CTDSPL2: variants seen among roughly 807,000 people sequenced by gnomAD.
CTDSPL2 encodes CTD small phosphatase like 2, also known as CTD small phosphatase-like protein 2.
In CTDSPL2, 5 loss-of-function variants were observed where a neutral mutation model predicts 60.0. The ratio of observed to expected loss-of-function variants is 0.08; its 90% CI spans 0.04 to 0.18. The LOEUF (loss-of-function observed/expected upper bound fraction) is 0.18. Ranked by LOEUF, CTDSPL2 falls within the 10% of genes least tolerant of loss-of-function variation. The pLI, the probability that CTDSPL2 is intolerant of heterozygous loss-of-function variation, is 1.00. For synonymous variants in CTDSPL2, 186 were observed against 189.3 expected (o/e 0.98, Z 0.14); for missense variants, 370 against 548.8 (o/e 0.67, Z 3.26).
intron 2 of CTDSPL2, among the ~76,000 whole-genome samples, chr15:44,476,605 T>A (rs2080921761): frequency 6.6e-6 from 1 of 152,106 alleles, no homozygotes; most frequent in African/African-American, 2.4e-5. Context: ...CTGTACTTTT[T>A]TCTGTGTTTA....
chr15:44,470,448 C>T (rs1351826618), intron 2 of CTDSPL2: 1 of 145,028 alleles, frequency 6.9e-6, no homozygotes, highest in East Asian at 2.0e-4. Context: ...TTTACATTGG[C>T]TTTTTTTTTT....
intron 1 of CTDSPL2, chr15:44,448,850 C>T: frequency 2.6e-6 from 1 of 390,974 alleles, no homozygotes; most frequent in South Asian, 2.0e-5. Context: ...TCCGTCTTTA[C>T]CTGCGTTGGT....
At chr15:44,437,060 G>A (rs1290296762) in intron 1 of CTDSPL2, among the ~76,000 whole-genome samples, 4 of 152,156 alleles carry the variant, frequency 2.6e-5, no homozygotes. Context: ...ATAGTTTTGT[G>A]CATGAAACAG....
intron 12 of CTDSPL2, among the ~76,000 whole-genome samples, chr15:44,522,299 G>A (rs955657379): frequency 7.2e-5 from 11 of 152,074 alleles, no homozygotes; most frequent in African/African-American, 2.7e-4. Flanking sequence ...CTCCCATAAT[G>A]CTGGGATTAC....
Position 44,524,351 on chromosome 15 carries a change from TC to T in CTDSPL2, c.*178del. The T allele has an allele frequency of 1.7e-6, 1 of 601,952 alleles. No individual in the cohort carries two copies. Among genetic ancestry groups the T allele is most frequent in the East Asian group, 2.8e-5 (1 of 35,592 alleles). 37.3% of individuals were successfully genotyped at this position (601,952 alleles called of 1,614,324 possible). On this transcript the variant is annotated 3_prime_UTR_variant, in exon 13 of 13. Coordinates refer to ENST00000260327, the MANE Select transcript of CTDSPL2 (RefSeq NM_016396.3). ...AGAAAGAGACTTTATCTATCTCAGA[TC>T]GAATACATATAGTAGGTAGGCTAAA...
chr15:44,483,916 G>C (rs1208483067), intron 2 of CTDSPL2, among the ~76,000 whole-genome samples: 2 of 152,186 alleles, frequency 1.3e-5, no homozygotes, highest in Non-Finnish European at 2.9e-5. Flanking sequence ...ATGAGGGAAA[G>C]CTTTTGAAGA....
chr15:44,438,140 T>G (rs1371390304), intron 1 of CTDSPL2, among the ~76,000 whole-genome samples: 3 of 152,020 alleles, frequency 2.0e-5, no homozygotes, highest in African/African-American at 4.8e-5. Flanking sequence ...GGTGGGCGCC[T>G]GTAGTCCCAG....
chr15:44,468,423 C>G lies in CTDSPL2; in HGVS notation c.186+9223C>G, dbSNP rs375665130. On this transcript the variant is annotated intron_variant, in intron 2 of 12. Transcript: ENST00000260327. ...TTTATTGATCTTTATTTTGATGAGT[C>G]TTGCTTGGGTTTATCAATTTCATTA... 9.9e-5 allele frequency among the ~76,000 whole-genome samples: 15 copies of G among 152,048 alleles called. No homozygotes were observed. In the East Asian group the frequency reaches 2.1e-3, roughly 22 times the overall value.
At chr15:44,461,861 G>A (rs1440348267) in intron 2 of CTDSPL2, among the ~76,000 whole-genome samples, 1 of 152,146 alleles carries the variant, frequency 6.6e-6, no homozygotes, top group Non-Finnish European at 1.5e-5. Context: ...GGAGGGGTTG[G>A]TCTTTCTGTC....
intron 1 of CTDSPL2, chr15:44,448,279 C>A: frequency 7.0e-6 from 2 of 285,332 alleles, no homozygotes; most frequent in South Asian, 3.4e-5. Context: ...GTGCTGGATG[C>A]TAGAGGCCAT....
intron 8 of CTDSPL2, among the ~76,000 whole-genome samples, chr15:44,513,578 A>C (rs1595777398): frequency 6.6e-6 from 1 of 152,202 alleles, no homozygotes; most frequent in South Asian, 2.1e-4. Context: ...TTTTGTGTGC[A>C]TGTATATGGA....
intron 2 of CTDSPL2, among the ~76,000 whole-genome samples, chr15:44,460,354 C>T (rs1354576335): frequency 6.6e-5 from 10 of 152,076 alleles, no homozygotes; most frequent in East Asian, 5.8e-4. Flanking sequence ...GTGATTCGTC[C>T]GCCTCGGCCT....
At chr15:44,452,029 T>G (rs181016152) in intron 1 of CTDSPL2, among the ~76,000 whole-genome samples, 2 of 152,264 alleles carry the variant, frequency 1.3e-5, no homozygotes, top group South Asian at 2.1e-4. Flanking sequence ...AGACTGAAAT[T>G]TATGTGGTTA....
chr15:44,472,861 C>T (rs916080496), intron 2 of CTDSPL2, among the ~76,000 whole-genome samples: 18 of 152,354 alleles, frequency 1.2e-4, no homozygotes, highest in African/African-American at 4.3e-4. Flanking sequence ...GACAGGGTTT[C>T]ACCGGCCCAG....
chr15:44,442,154 A>G (rs939537026), intron 1 of CTDSPL2, among the ~76,000 whole-genome samples: 5 of 152,066 alleles, frequency 3.3e-5, no homozygotes, highest in Non-Finnish European at 7.4e-5. Context: ...CCTAGGGGGA[A>G]AAAACATATA....
rs530563740 is a variant in CTDSPL2, at chr15:44,505,347, C to T, written c.969+5534C>T. Among the ~76,000 whole-genome samples the T allele has an allele frequency of 7.9e-5, 12 of 152,102 alleles. No individual in the cohort carries two copies. In the South Asian group the frequency reaches 1.7e-3, roughly 21 times the overall value. On this transcript the variant is annotated intron_variant, in intron 8 of 12. Transcript: ENST00000260327. The stretch of plus-strand genomic sequence containing the variant: ...TGAGGTGGGAAGATCACCGGAACCC[C>T]GAGAGCTTCAGGCCCTAGTGAGCTG...
chr15:44,475,338 A>G (rs916607569), intron 2 of CTDSPL2, among the ~76,000 whole-genome samples: 1 of 152,118 alleles, frequency 6.6e-6, no homozygotes, highest in African/African-American at 2.4e-5. Context: ...ATGCAGTGTG[A>G]TAACTTTAAG....
At chr15:44,516,502 A>G (rs2081656987) in intron 10 of CTDSPL2, 1 of 152,226 alleles carries the variant, frequency 6.6e-6, no homozygotes. Context: ...CAAATGGGAA[A>G]TGGTATTTTC....
chr15:44,485,566 G>T (rs1371642533), intron 3 of CTDSPL2, among the ~76,000 whole-genome samples: 1 of 152,196 alleles, frequency 6.6e-6, no homozygotes, highest in African/African-American at 2.4e-5. Flanking sequence ...TAATGCAGCA[G>T]CTTATCTGCA....
Sources: gnomAD v4.1 joint callset for allele counts (sites outside exome capture counted in the v4.1 genomes callset) on GRCh38, gnomAD v4.1.1 for gene constraint, MANE v1.5 for transcripts, NCBI Gene and HGNC (gene_info 2026-07-23, HGNC 2026-07-21) for gene names.